MSTO1: variants seen among roughly 807,000 people sequenced by gnomAD.
MSTO1 encodes misato mitochondrial distribution and morphology regulator 1, also known as protein misato homolog 1.
In MSTO1, 24 loss-of-function variants were observed where a neutral mutation model predicts 55.7. The ratio of observed to expected loss-of-function variants is 0.43; its 90% CI spans 0.31 to 0.61. The LOEUF is 0.61. Ranked by LOEUF, MSTO1 falls within the 20% of genes least tolerant of loss-of-function variation. The probability of loss-of-function intolerance (pLI) is 0.09; values close to 1 mark genes in which losing one functional copy is unlikely to be tolerated. For missense variants in MSTO1, 363 were observed against 625.7 expected (o/e 0.58, Z 4.48); for synonymous variants, 162 against 252.8 (o/e 0.64, Z 3.41).
the MSTO1 span, among the ~76,000 whole-genome samples, chr1:155,581,138 A>G: frequency 6.6e-6 from 1 of 152,044 alleles, no homozygotes; most frequent in Admixed American, 6.6e-5. Context: ...TTTGTTTTTT[A>G]ATTGTTTTTA....
upstream of MSTO1, among the ~76,000 whole-genome samples, chr1:155,608,186 G>T (rs1307250853): frequency 6.6e-6 from 1 of 152,126 alleles, no homozygotes; most frequent in African/African-American, 2.4e-5. Flanking sequence ...AAAATTTTGA[G>T]ACAGGGTCTC....
chr1:155,609,886 G>A (rs1388323262), upstream of MSTO1: 3 of 243,016 alleles, frequency 1.2e-5, no homozygotes, highest in East Asian at 3.1e-4. Flanking sequence ...TCAGCCAGCG[G>A]AGAGATCTGT....
the MSTO1 span, among the ~76,000 whole-genome samples, chr1:155,599,767 A>T: frequency 1.3e-5 from 2 of 152,198 alleles, no homozygotes; most frequent in African/African-American, 2.4e-5. Flanking sequence ...ACAAGACAAT[A>T]GTGGGGAGAG....
chr1:155,610,996 G>A, intron 2 of MSTO1, 43 bp from the exon 3 acceptor site: 1 of 521,706 alleles, frequency 1.9e-6, no homozygotes, highest in Non-Finnish European at 3.3e-6. Flanking sequence ...GGGGAAGGGT[G>A]CCCAGGCTTT....
At chr1:155,600,975 CT>C in the MSTO1 span, among the ~76,000 whole-genome samples, 3,399 of 119,144 alleles carry the variant, frequency 0.029, 117 homozygotes, top group African/African-American at 0.095. Context: ...TGTGCTAGGC[CT>C]TTTTTTTTTT....
upstream of MSTO1, among the ~76,000 whole-genome samples, chr1:155,607,416 C>T (rs1311337717): frequency 7.9e-5 from 12 of 152,078 alleles, no homozygotes; most frequent in East Asian, 1.9e-4. Flanking sequence ...CCTTGTGATC[C>T]GCCTGCCTCG....
the MSTO1 span, among the ~76,000 whole-genome samples, chr1:155,577,084 T>TTTTG: frequency 1.4e-4 from 21 of 149,870 alleles, no homozygotes; most frequent in Non-Finnish European, 2.1e-4. Context: ...TTTGTCTTTT[T>TTTTG]TTTGTTTGTT....
chr1:155,608,657 C>A (rs755754203), upstream of MSTO1, among the ~76,000 whole-genome samples: 5 of 151,842 alleles, frequency 3.3e-5, no homozygotes, highest in Non-Finnish European at 5.9e-5. Flanking sequence ...CGCCCGTCAC[C>A]ACGCCCGGCT....
chr1:155,575,390 G>A, the MSTO1 span, among the ~76,000 whole-genome samples: 2 of 151,956 alleles, frequency 1.3e-5, no homozygotes, highest in Non-Finnish European at 2.9e-5. Context: ...GTGCTTATTG[G>A]CCATTTGTAT....
At chr1:155,587,540 G>T in the MSTO1 span, among the ~76,000 whole-genome samples, 20 of 148,970 alleles carry the variant, frequency 1.3e-4, no homozygotes, top group African/African-American at 4.7e-4. Context: ...TCAGGAGATC[G>T]AGACCATCCT....
At chr1:155,578,699 A>G in the MSTO1 span, among the ~76,000 whole-genome samples, 1 of 147,536 alleles carries the variant, frequency 6.8e-6, no homozygotes, top group Admixed American at 6.7e-5. Flanking sequence ...TTTAGTAGAG[A>G]TGGGGTTTCA....
the MSTO1 span, among the ~76,000 whole-genome samples, chr1:155,589,254 T>C: frequency 5.9e-5 from 9 of 151,460 alleles, no homozygotes; most frequent in African/African-American, 2.2e-4. Flanking sequence ...GCCGAGATCA[T>C]GCCACTGCAC....
At chr1:155,612,778 T>C (rs1247622734) in intron 9 of MSTO1, 66 bp from the exon 10 acceptor site, 114 of 1,592,968 alleles carry the variant, frequency 7.2e-5, no homozygotes, top group Non-Finnish European at 9.3e-5. Flanking sequence ...CTGGTGTTAA[T>C]ATTCTGCCTC....
At chr1:155,577,807 G>A in the MSTO1 span, among the ~76,000 whole-genome samples, 3 of 152,110 alleles carry the variant, frequency 2.0e-5, no homozygotes, top group Non-Finnish European at 4.4e-5. Flanking sequence ...GGAGTGGCGC[G>A]ACGCTAGAGT....
the MSTO1 span, among the ~76,000 whole-genome samples, chr1:155,567,765 G>C: frequency 1.3e-5 from 2 of 151,542 alleles, no homozygotes; most frequent in African/African-American, 2.4e-5. Flanking sequence ...GCTGGGCGTG[G>C]TGGCTCATGC....
chr1:155,611,415 C>A (rs756543270), intron 4 of MSTO1, 124 bp downstream of exon 4: 59 of 1,590,968 alleles, frequency 3.7e-5, no homozygotes, highest in Non-Finnish European at 4.9e-5. Context: ...AAAAAGCACT[C>A]CTTTTCCTAA....
upstream of MSTO1, chr1:155,610,080 T>C: frequency 1.5e-6 from 1 of 673,668 alleles, no homozygotes; most frequent in Non-Finnish European, 2.5e-6. Flanking sequence ...GGGCCACGTC[T>C]AGGAAGAGGT....
At chr1:155,567,412 C>T in the MSTO1 span, among the ~76,000 whole-genome samples, 44 of 151,278 alleles carry the variant, frequency 2.9e-4, 1 homozygote, top group South Asian at 5.2e-3. Flanking sequence ...AACGGGTTCA[C>T]GCCATTCTCC....
At chr1:155,608,686 T>C (rs1673086967), upstream of MSTO1, among the ~76,000 whole-genome samples, 1 of 151,660 alleles carries the variant, frequency 6.6e-6, no homozygotes, top group South Asian at 2.1e-4. Context: ...GTATTTTTAG[T>C]AGAGACGGGG....
Sources: allele counts gnomAD v4.1 joint callset (sites outside exome capture counted in the v4.1 genomes callset), GRCh38; gene constraint gnomAD v4.1.1; transcripts MANE v1.5; gene names NCBI Gene and HGNC (gene_info 2026-07-23, HGNC 2026-07-21).